Variants in VPS45 observed in about 807,000 individuals in gnomAD.
VPS45 encodes the protein vacuolar protein sorting 45 homolog, also known as vacuolar protein sorting-associated protein 45.
Under a neutral mutation model 75.9 loss-of-function variants are expected in VPS45, and 35 were observed. The observed-to-expected ratio is 0.46, with a 90% CI of 0.35 to 0.61. VPS45 has a LOEUF of 0.61. VPS45 is among the 20% of genes least tolerant of loss of function. The pLI, the probability that VPS45 is intolerant of heterozygous loss-of-function variation, is 0.00. For synonymous variants in VPS45, 220 were observed against 238.2 expected (o/e 0.92, Z 0.70); for missense variants, 559 against 685.9 (o/e 0.81, Z 2.07).
At chr1:150,085,733 C>A (rs945068701) in intron 10 of VPS45, among the ~76,000 whole-genome samples, 2 of 151,332 alleles carry the variant, frequency 1.3e-5, no homozygotes, top group Non-Finnish European at 1.5e-5. Flanking sequence ...AGTATCATGA[C>A]AAGAAAAAAA....
At chr1:150,075,526 A>G (rs1275075494) in intron 3 of VPS45, among the ~76,000 whole-genome samples, 3 of 152,126 alleles carry the variant, frequency 2.0e-5, no homozygotes, top group Non-Finnish European at 2.9e-5. Context: ...CTGATGCTCA[A>G]TGCCTGGGTC....
At chr1:150,108,746 A>G (rs1657470491) in intron 13 of VPS45, among the ~76,000 whole-genome samples, 1 of 152,220 alleles carries the variant, frequency 6.6e-6, no homozygotes, top group Non-Finnish European at 1.5e-5. Context: ...CAATAGTTTC[A>G]TAAGGAACAC....
intron 14 of VPS45, among the ~76,000 whole-genome samples, chr1:150,126,709 T>TA (rs1553810848): frequency 6.6e-6 from 1 of 151,558 alleles, no homozygotes; most frequent in African/African-American, 2.4e-5. Context: ...CCCATGCCTG[T>TA]AATCCCAGCA....
At chr1:150,102,851 C>T (rs1389055398) in intron 13 of VPS45, among the ~76,000 whole-genome samples, 1 of 152,122 alleles carries the variant, frequency 6.6e-6, no homozygotes, top group Non-Finnish European at 1.5e-5. Context: ...AAACAGCAGA[C>T]ACTGGGGTCT....
chr1:150,131,743 G>A (rs1397721483), intron 14 of VPS45, among the ~76,000 whole-genome samples: 2 of 151,620 alleles, frequency 1.3e-5, no homozygotes, highest in Non-Finnish European at 2.9e-5. Flanking sequence ...CTACTTGGGA[G>A]ACTCAGGCAG....
chr1:150,129,658 C>A (rs1173715218), intron 14 of VPS45, among the ~76,000 whole-genome samples: 1 of 151,600 alleles, frequency 6.6e-6, no homozygotes, highest in Non-Finnish European at 1.5e-5. Context: ...CTCCCAGGTT[C>A]AAGCGATTCT....
chr1:150,123,317 C>T (rs1331501777), intron 14 of VPS45, among the ~76,000 whole-genome samples: 1 of 152,092 alleles, frequency 6.6e-6, no homozygotes, highest in Non-Finnish European at 1.5e-5. Flanking sequence ...ATAAGTAATG[C>T]TGCTATAAAC....
chr1:150,098,946 A>C, intron 13 of VPS45: 2 of 1,193,840 alleles, frequency 1.7e-6, no homozygotes, highest in Non-Finnish European at 2.1e-6. Context: ...CAATTCAAAA[A>C]GGAAGTACTT....
Position 150,092,288 on chromosome 1 carries a change from CTCTT to C in VPS45, c.1264-9_1264-6del, listed in dbSNP as rs1559914881. ...ATGCCTAAGCAATCAAAATTTGCTT[CTCTT>C]TCTTAATAGCTCGTGTCTGCAGTTG... On this transcript the variant is annotated splice_polypyrimidine_tract_variant and intron_variant, in intron 11 of 14. Transcript: ENST00000644510. 5 of 1,610,946 alleles carry C rather than the reference CTCTT, an allele frequency of 3.1e-6. No individual in the cohort carries two copies. In the Admixed American group the frequency reaches 8.4e-5, roughly 27 times the overall value.
chr1:150,088,625 A>G (rs1656156577), intron 10 of VPS45, among the ~76,000 whole-genome samples: 1 of 151,582 alleles, frequency 6.6e-6, no homozygotes, highest in Admixed American at 6.6e-5. Context: ...GACTACAGGT[A>G]TACACTGCCA....
chr1:150,083,792 AGACT>A (rs1655857951), intron 10 of VPS45, among the ~76,000 whole-genome samples: 2 of 151,846 alleles, frequency 1.3e-5, no homozygotes, highest in African/African-American at 2.4e-5. Context: ...TAGACTGGAA[AGACT>A]GACTGAAGCC....
chr1:150,136,327 G>A (rs1659096279), intron 14 of VPS45, among the ~76,000 whole-genome samples: 1 of 151,616 alleles, frequency 6.6e-6, no homozygotes, highest in Admixed American at 6.6e-5. Flanking sequence ...GCCGAGGTGG[G>A]TGGATCACCT....
At chr1:150,096,765 C>T (rs1656676391) in intron 13 of VPS45, among the ~76,000 whole-genome samples, 1 of 152,132 alleles carries the variant, frequency 6.6e-6, no homozygotes, top group South Asian at 2.1e-4. Flanking sequence ...CAGAACATAC[C>T]TATACCACCT....
intron 14 of VPS45, among the ~76,000 whole-genome samples, chr1:150,125,561 A>G (rs1658467256): frequency 6.9e-6 from 1 of 144,066 alleles, no homozygotes; most frequent in South Asian, 2.3e-4. Context: ...CAAAAAACCA[A>G]ACACCACATG....
intron 13 of VPS45, among the ~76,000 whole-genome samples, chr1:150,107,751 A>G (rs587630990): frequency 3.2e-4 from 49 of 152,276 alleles, no homozygotes; most frequent in African/African-American, 1.2e-3. Context: ...AAATACAAAA[A>G]GTAGTCTGGC....
chr1:150,119,856 C>G (rs917994292), intron 14 of VPS45, among the ~76,000 whole-genome samples: 1 of 152,216 alleles, frequency 6.6e-6, no homozygotes, highest in Non-Finnish European at 1.5e-5. Context: ...TGCCTGTAAT[C>G]CCAGCACTTT....
chr1:150,141,739 T>C (rs1242094816), intron 14 of VPS45, among the ~76,000 whole-genome samples: 9 of 152,196 alleles, frequency 5.9e-5, no homozygotes, highest in Non-Finnish European at 1.3e-4. Flanking sequence ...TATACTCATA[T>C]TGGATTGTGA....
At chr1:150,137,702 C>T (rs1659185101) in intron 14 of VPS45, among the ~76,000 whole-genome samples, 1 of 152,126 alleles carries the variant, frequency 6.6e-6, no homozygotes, top group Admixed American at 6.5e-5. Context: ...ATTGCCTGAG[C>T]TCAGCAGTTT....
rs1173695002 is a variant in VPS45 at position 150,068,762 on chromosome 1, A to G, written c.226A>G (p.Lys76Glu). ...GGCAATTTGTTTTCTTCGACCTACA[A>G]AGGTACTGCATAAACTGAGCTTCCA... ...LKAICFLRPT[K>E]ENVDYIIQEL... is the part of the protein sequence containing the mutation. The change falls in exon 2 of 15, where the codon AAG (lysine) becomes GAG (glutamate). Residue 76 changes from lysine to glutamate, a missense_variant and splice_region_variant. Coordinates refer to ENST00000644510, the MANE Select transcript of VPS45 (RefSeq NM_007259.5). The G allele has an allele frequency of 2.5e-6, 4 of 1,609,112 alleles. No individual in the cohort carries two copies. The African/African-American group carries it at 5.4e-5, about 22-fold the overall frequency.
Sources: gnomAD v4.1 joint callset for allele counts (sites outside exome capture counted in the v4.1 genomes callset) on GRCh38, gnomAD v4.1.1 for gene constraint, MANE v1.5 for transcripts, NCBI Gene and HGNC (gene_info 2026-07-23, HGNC 2026-07-21) for gene names.